The following MAGI3 variants were observed in gnomAD, a reference collection of about 807,000 sequenced individuals.
MAGI3 encodes membrane associated guanylate kinase, WW and PDZ domain containing 3.
MAGI3 carries 43 observed loss-of-function variants against 121.8 expected under a neutral mutation model. That is an observed-to-expected ratio of 0.35 (90% CI 0.28 to 0.46). MAGI3 has a LOEUF of 0.46. Ranked by LOEUF, MAGI3 falls within the 20% of genes least tolerant of loss-of-function variation. The pLI is 1.00. For synonymous variants in MAGI3, 553 were observed against 639.3 expected, an observed-to-expected ratio of 0.86 and a Z score of 2.04; for missense variants, 1,547 against 1,797.3, an observed-to-expected ratio of 0.86 and a Z score of 2.52.
chr1:113,659,393 T>C, intron 16 of MAGI3, 128 bp downstream of exon 16: 1 of 774,652 alleles, frequency 1.3e-6, no homozygotes, highest in Non-Finnish European at 2.0e-6. Context: ...CGCTGGAGTC[T>C]TATTCTTCCC....
intron 1 of MAGI3, among the ~76,000 whole-genome samples, chr1:113,515,971 G>T (rs1041883475): frequency 6.6e-6 from 1 of 151,976 alleles, no homozygotes; most frequent in African/African-American, 2.4e-5. Context: ...GGACTGTCCT[G>T]TGTACCATAG....
At chr1:113,529,367 A>C (rs1406555966) in intron 1 of MAGI3, among the ~76,000 whole-genome samples, 1 of 152,192 alleles carries the variant, frequency 6.6e-6, no homozygotes, top group Admixed American at 6.5e-5. Flanking sequence ...ATGCCTGATG[A>C]GGGCTCAATT....
At chr1:113,682,522 C>T (rs1571047513) in intron 20 of MAGI3, 1 of 1,281,962 alleles carries the variant, frequency 7.8e-7, no homozygotes. Context: ...TTGCCATATC[C>T]TAAACTGTAT....
intron 1 of MAGI3, among the ~76,000 whole-genome samples, chr1:113,493,037 C>A (rs1013359170): frequency 6.6e-6 from 1 of 152,126 alleles, no homozygotes; most frequent in African/African-American, 2.4e-5. Flanking sequence ...CTAGAAAAAA[C>A]TATTTTAAAA....
chr1:113,661,244 G>T (rs1186957401), intron 16 of MAGI3, among the ~76,000 whole-genome samples: 1 of 152,010 alleles, frequency 6.6e-6, no homozygotes, highest in African/African-American at 2.4e-5. Flanking sequence ...TACATGACTG[G>T]CTCCCTCATT....
At chr1:113,544,396 G>T (rs1182841004) in intron 1 of MAGI3, among the ~76,000 whole-genome samples, 1 of 152,182 alleles carries the variant, frequency 6.6e-6, no homozygotes, top group Non-Finnish European at 1.5e-5. Flanking sequence ...GTAAAGAAGA[G>T]AACTGAAACA....
intron 1 of MAGI3, among the ~76,000 whole-genome samples, chr1:113,546,955 C>T (rs1192265657): frequency 6.6e-6 from 1 of 151,614 alleles, no homozygotes; most frequent in Non-Finnish European, 1.5e-5. Context: ...TGGTGGCGGG[C>T]GCCTGTAGTC....
intron 1 of MAGI3, among the ~76,000 whole-genome samples, chr1:113,513,656 C>A (rs924254191): frequency 8.5e-5 from 13 of 152,124 alleles, no homozygotes; most frequent in Non-Finnish European, 1.8e-4. Context: ...AAACGTTAGA[C>A]CTAAAACCAT....
chr1:113,430,228 G>C (rs1226942754), intron 1 of MAGI3, among the ~76,000 whole-genome samples: 1 of 152,116 alleles, frequency 6.6e-6, no homozygotes, highest in African/African-American at 2.4e-5. Context: ...GGTTGGAGTA[G>C]CTGCTGATTT....
chr1:113,684,055 C>T lies in MAGI3; in HGVS notation c.*41C>T. 2.1e-6 allele frequency: 3 copies of T among 1,445,276 alleles called. No homozygotes were observed. The highest frequency in any genetic ancestry group is 1.6e-5 in the South Asian group (1 of 63,236). The allele number at this position is 1,445,276 out of a possible 1,614,324, so 89.5% of individuals were successfully genotyped here. On this transcript the variant is annotated 3_prime_UTR_variant, in exon 21 of 21. Transcript: ENST00000307546. ...AAAGAAAAACAAGTTGTAATCTTTTCTTACAGCAGCATTTTTCCAGAAAAA... is the reference window on the plus strand; with the variant it reads ...AAAGAAAAACAAGTTGTAATCTTTTTTTACAGCAGCATTTTTCCAGAAAAA...
intron 1 of MAGI3, among the ~76,000 whole-genome samples, chr1:113,519,186 G>T (rs1256702974): frequency 6.6e-6 from 1 of 152,004 alleles, no homozygotes; most frequent in East Asian, 1.9e-4. Flanking sequence ...GAACTTGGGG[G>T]TGGGGGAAGA....
chr1:113,478,756 C>G (rs1333106164), intron 1 of MAGI3, among the ~76,000 whole-genome samples: 1 of 152,206 alleles, frequency 6.6e-6, no homozygotes, highest in Non-Finnish European at 1.5e-5. Flanking sequence ...AAATGCTGTG[C>G]TGGGAGAACC....
chr1:113,482,466 A>T (rs1656157330), intron 1 of MAGI3, among the ~76,000 whole-genome samples: 1 of 151,828 alleles, frequency 6.6e-6, no homozygotes, highest in East Asian at 1.9e-4. Context: ...TCTCCTAAGT[A>T]GCTGGGACTA....
intron 1 of MAGI3, among the ~76,000 whole-genome samples, chr1:113,527,459 G>A (rs1658505081): frequency 6.6e-6 from 1 of 152,156 alleles, no homozygotes; most frequent in Non-Finnish European, 1.5e-5. Context: ...TAGGGAGAAA[G>A]GCATATAAAA....
At chr1:113,436,830 T>C (rs1328228389) in intron 1 of MAGI3, among the ~76,000 whole-genome samples, 1 of 150,308 alleles carries the variant, frequency 6.7e-6, no homozygotes, top group Admixed American at 6.6e-5. Context: ...TTTTTTTTTT[T>C]TGAGACGGAG....
chr1:113,465,932 T>A (rs944147447), intron 1 of MAGI3, among the ~76,000 whole-genome samples: 3 of 152,198 alleles, frequency 2.0e-5, no homozygotes, highest in Non-Finnish European at 4.4e-5. Flanking sequence ...TATAAGATCA[T>A]GTTGTCTGCA....
intron 6 of MAGI3, among the ~76,000 whole-genome samples, chr1:113,605,436 A>T (rs1649696612): frequency 6.6e-6 from 1 of 152,180 alleles, no homozygotes; most frequent in Admixed American, 6.6e-5. Flanking sequence ...GAGAACAGGC[A>T]AAACTCATGT....
At chr1:113,410,807 T>A (rs1289382921) in intron 1 of MAGI3, among the ~76,000 whole-genome samples, 1 of 152,116 alleles carries the variant, frequency 6.6e-6, no homozygotes. Flanking sequence ...CCTAAGTAGT[T>A]ACATGGCCCA....
chr1:113,483,314 T>C (rs1190633157), intron 1 of MAGI3, among the ~76,000 whole-genome samples: 1 of 152,188 alleles, frequency 6.6e-6, no homozygotes, highest in Non-Finnish European at 1.5e-5. Context: ...AATCCCTATG[T>C]TGAAACCTAA....
Sources: gnomAD v4.1 joint callset for allele counts (sites outside exome capture counted in the v4.1 genomes callset) on GRCh38, gnomAD v4.1.1 for gene constraint, MANE v1.5 for transcripts, NCBI Gene and HGNC (gene_info 2026-07-23, HGNC 2026-07-21) for gene names.